PCDH7: variants seen among roughly 807,000 people sequenced by gnomAD.
The protein encoded by PCDH7 is protocadherin 7.
In PCDH7, 17 loss-of-function variants were observed where a neutral mutation model predicts 58.9. The ratio of observed to expected loss-of-function variants is 0.29; its 90% confidence interval spans 0.20 to 0.43. The LOEUF is 0.43. Ranked by LOEUF, PCDH7 falls within the 20% of genes least tolerant of loss-of-function variation. PCDH7 has a pLI of 1.00. For missense variants in PCDH7, 1,274 were observed against 1,441.0 expected (o/e 0.88, Z 1.88); for synonymous variants, 664 against 616.4 (o/e 1.08, Z -1.14).
chr4:31,084,742 ATG>A (rs1712132001), intron 3 of PCDH7, among the ~76,000 whole-genome samples: 1 of 51,592 alleles, frequency 1.9e-5, no homozygotes, highest in African/African-American at 8.0e-5. Context: ...AGGGGAGGGG[ATG>A]AGGGAGGGGA....
At chr4:31,045,240 C>G (rs890329818) in intron 3 of PCDH7, among the ~76,000 whole-genome samples, 1 of 151,992 alleles carries the variant, frequency 6.6e-6, no homozygotes, top group African/African-American at 2.4e-5. Flanking sequence ...CTCTGATGCT[C>G]TGGTCTTTCT....
Position 30,750,570 on chromosome 4 carries a change from G to A in PCDH7, c.70+25974G>A, listed in dbSNP as rs538362243. 5.3e-5 allele frequency among the ~76,000 whole-genome samples: 8 copies of A among 152,280 alleles called. No individual in the cohort carries two copies. The South Asian group carries it at 1.7e-3, about 32-fold the overall frequency. On this transcript the variant is annotated intron_variant, in intron 1 of 3. Transcript: ENST00000509759. ...GCAGAGGGAAAAGTTAACCCTGGGT[G>A]CAAATTTGGAGAGGAGGAAAATTAG...
At chr4:31,005,516 A>C (rs1460364221) in intron 3 of PCDH7, among the ~76,000 whole-genome samples, 1 of 152,206 alleles carries the variant, frequency 6.6e-6, no homozygotes, top group East Asian at 1.9e-4. Context: ...AAAAAAAGAT[A>C]AAATTGGGAA....
At chr4:30,878,938 C>T (rs987631452) in intron 1 of PCDH7, among the ~76,000 whole-genome samples, 1 of 152,084 alleles carries the variant, frequency 6.6e-6, no homozygotes, top group Non-Finnish European at 1.5e-5. Flanking sequence ...TGTTTGCAGT[C>T]TTCGTTGCAG....
chr4:31,109,482 G>A (rs2109309524), intron 3 of PCDH7, among the ~76,000 whole-genome samples: 1 of 152,308 alleles, frequency 6.6e-6, no homozygotes, highest in South Asian at 2.1e-4. Context: ...TTTGTTGTTA[G>A]AATGTTACAT....
chr4:31,091,508 A>C (rs1434759265), intron 3 of PCDH7, among the ~76,000 whole-genome samples: 1 of 151,986 alleles, frequency 6.6e-6, no homozygotes, highest in African/African-American at 2.4e-5. Context: ...GAATTACTTA[A>C]GTTATCCTAA....
At chr4:30,827,392 T>C (rs916136537) in intron 1 of PCDH7, among the ~76,000 whole-genome samples, 12 of 152,322 alleles carry the variant, frequency 7.9e-5, no homozygotes, top group African/African-American at 2.2e-4. Flanking sequence ...CCCAAGTCTC[T>C]GTCTGTAAAG....
chr4:30,879,240 C>A (rs1736659132), intron 1 of PCDH7, among the ~76,000 whole-genome samples: 1 of 151,770 alleles, frequency 6.6e-6, no homozygotes, highest in Non-Finnish European at 1.5e-5. Flanking sequence ...TTCCTTCTCT[C>A]TTTCCTTTCT....
chr4:31,106,023 A>ATAT lies in PCDH7; in HGVS notation c.*8-36450_*8-36449insTAT, dbSNP rs34357233. ...TTATGTCTCAAAAAAAGAAAAAAAAAATATATATATATATGTATATATACT... is the reference window on the plus strand; with the variant it reads ...TTATGTCTCAAAAAAAGAAAAAAAAATATATATATATATATATGTATATATACT... On this transcript the variant is annotated intron_variant, in intron 3 of 3. Transcript: ENST00000509759. 1.4e-3 allele frequency among the ~76,000 whole-genome samples: 203 copies of ATAT among 148,774 alleles called. 1 individual carries two copies. The highest frequency in any genetic ancestry group is 4.4e-3 in the East Asian group (22 of 5,056).
chr4:30,843,061 C>CT (rs368453238), intron 1 of PCDH7, among the ~76,000 whole-genome samples: 1,775 of 137,078 alleles, frequency 0.013, 19 homozygotes, highest in African/African-American at 0.037. Flanking sequence ...AAACAAATGA[C>CT]TTTTTTTTTT....
intron 1 of PCDH7, among the ~76,000 whole-genome samples, chr4:30,743,548 T>G (rs2109250825): frequency 6.6e-6 from 1 of 152,210 alleles, no homozygotes; most frequent in African/African-American, 2.4e-5. Flanking sequence ...ATAAAGGTAC[T>G]AAGGGAATAT....
chr4:30,935,946 C>CCACGTCAT (rs1236282024), intron 2 of PCDH7, among the ~76,000 whole-genome samples: 5 of 152,008 alleles, frequency 3.3e-5, no homozygotes, highest in African/African-American at 1.2e-4. Flanking sequence ...TCTAAAGGCA[C>CCACGTCAT]CACGTCATCA....
chr4:31,069,057 G>A (rs1758327640), intron 3 of PCDH7, among the ~76,000 whole-genome samples: 1 of 152,020 alleles, frequency 6.6e-6, no homozygotes, highest in Admixed American at 6.6e-5. Context: ...GTGTGCGTGT[G>A]TGTGTGTATT....
chr4:31,142,756 G>C lies in PCDH7; in HGVS notation c.*291G>C, dbSNP rs768901666. On this transcript the variant is annotated 3_prime_UTR_variant, in exon 4 of 4. Coordinates refer to the PCDH7 transcript ENST00000509759. ...GTGCAGCTAGTTTCAGCAAAAATGAGGAAGCCAACCCTGAGGATATTCCCC... is the reference window on the plus strand; with the variant it reads ...GTGCAGCTAGTTTCAGCAAAAATGACGAAGCCAACCCTGAGGATATTCCCC... 3 of 1,367,482 alleles carry C rather than the reference G, an allele frequency of 2.2e-6. No individual in the cohort carries two copies. The South Asian group carries it at 3.4e-5, about 16-fold the overall frequency. The allele number at this position is 1,367,482 out of a possible 1,614,324, so 84.7% of individuals were successfully genotyped here. A position where few individuals can be genotyped will look rare whatever the true frequency, so the allele number is the denominator to read the frequency against.
At position 30,765,097 on chromosome 4, in the gene PCDH7, A is replaced by G. The variant is rs182140531; in HGVS notation, c.70+40501A>G. 1.6e-3 allele frequency among the ~76,000 whole-genome samples: 226 copies of G among 139,368 alleles called. 2 individuals are homozygous for G. The highest frequency in any genetic ancestry group is 5.7e-3 in the African/African-American group (216 of 38,098). 91.4% of individuals were successfully genotyped at this position (139,368 alleles called of 152,430 possible). A position where few individuals can be genotyped will look rare whatever the true frequency, so the allele number is the denominator to read the frequency against. On this transcript the variant is annotated intron_variant, in intron 1 of 3. Transcript: ENST00000509759. Reference sequence around the variant, plus strand: ...TCCTTTGCAATTAACAAGGTTACTTAAGGGAAAGAGAGATAGGACTTCAGA... The same window carrying G: ...TCCTTTGCAATTAACAAGGTTACTTGAGGGAAAGAGAGATAGGACTTCAGA...
In PCDH7 at chr4:30,723,081, G is replaced by A. The variant is rs1195517219; in HGVS notation, c.1659G>A (p.Arg553=). 6.2e-7 allele frequency: 1 copy of A among 1,613,904 alleles called. No homozygotes were observed. ...CTGAGAACAACATCCCGGGCGAGAG[G>A]GTGGCCACGGTGCTGGCGACAGACG... is the stretch of plus-strand genomic sequence containing the variant. Residue 553 remains arginine (R), a synonymous_variant, in exon 1 of 2, where the codon AGG becomes AGA. Transcript: ENST00000361762. The surrounding 1 kb of genome is among the most constrained non-coding windows in gnomAD (Gnocchi z 4.6).
chr4:31,140,449 A>G (rs1720109323), intron 3 of PCDH7, among the ~76,000 whole-genome samples: 1 of 151,774 alleles, frequency 6.6e-6, no homozygotes, highest in Non-Finnish European at 1.5e-5. Context: ...TTATTTTCCC[A>G]TGTCCTTGCT....
chr4:31,072,512 A>C (rs1014379890), intron 3 of PCDH7, among the ~76,000 whole-genome samples: 1 of 152,132 alleles, frequency 6.6e-6, no homozygotes, highest in Non-Finnish European at 1.5e-5. Flanking sequence ...AGGCTTTTGA[A>C]CTAGGTGCCA....
chr4:30,825,517 G>T (rs935296458), intron 1 of PCDH7, among the ~76,000 whole-genome samples: 1 of 152,106 alleles, frequency 6.6e-6, no homozygotes, highest in Admixed American at 6.6e-5. Flanking sequence ...ATTTCCTGAG[G>T]ATTGTCAGCA....
Sources: gnomAD v4.1 joint callset for allele counts (sites outside exome capture counted in the v4.1 genomes callset) on GRCh38, gnomAD v4.1.1 for gene constraint, Gnocchi (gnomAD v3.1) non-coding constraint, MANE v1.5 for transcripts, NCBI Gene and HGNC (gene_info 2026-07-23, HGNC 2026-07-21) for gene names.